Variants in ITPKB observed in about 807,000 individuals in gnomAD.
ITPKB encodes the protein inositol-trisphosphate 3-kinase B.
In ITPKB, 13 loss-of-function variants were observed where a neutral mutation model predicts 69.4. The ratio of observed to expected loss-of-function variants is 0.19; its 90% CI spans 0.12 to 0.30. ITPKB has a LOEUF of 0.30. Ranked by LOEUF, ITPKB falls within the 10% of genes least tolerant of loss-of-function variation. The probability of loss-of-function intolerance (pLI) is 1.00; values close to 1 mark genes in which losing one functional copy is unlikely to be tolerated. For synonymous variants in ITPKB, 584 were observed against 513.7 expected (o/e 1.14, Z -1.85); for missense variants, 1,240 against 1,250.5 (o/e 0.99, Z 0.13).
At chr1:226,720,926 C>T (rs1233710135) in intron 2 of ITPKB, among the ~76,000 whole-genome samples, 1 of 152,036 alleles carries the variant, frequency 6.6e-6, no homozygotes, top group Non-Finnish European at 1.5e-5. Flanking sequence ...TCTGTAATCC[C>T]AGCTACTCAG....
intron 2 of ITPKB, among the ~76,000 whole-genome samples, chr1:226,689,973 T>A (rs1180563093): frequency 1.3e-5 from 2 of 152,258 alleles, no homozygotes; most frequent in African/African-American, 2.4e-5. Context: ...TGCGTAGTGT[T>A]CAATGGTGTA....
intron 2 of ITPKB, among the ~76,000 whole-genome samples, chr1:226,678,001 G>A (rs190408026): frequency 1.3e-5 from 2 of 152,206 alleles, no homozygotes; most frequent in East Asian, 3.9e-4. Context: ...TATCAAGCTT[G>A]TACAGGCATT....
chr1:226,642,320 C>T lies in ITPKB; in HGVS notation c.2247-195G>A, dbSNP rs946147787. Among the ~76,000 whole-genome samples the T allele has an allele frequency of 3.3e-5, 5 of 152,012 alleles. No homozygotes were observed. Among genetic ancestry groups the T allele is most frequent in the Admixed American group, 6.6e-5 (1 of 15,254 alleles). On this transcript the variant is annotated intron_variant, in intron 4 of 7. Transcript: ENST00000429204. This position sits in a 1 kb window ranked among gnomAD's most constrained non-coding sequence, Gnocchi z 6.4. ...CCAGCTGGGGCTGGCTCTAATTTTT[C>T]TTTTCTTTTTTTTTTAGACAATTTT...
chr1:226,689,358 A>G (rs886699827), intron 2 of ITPKB, among the ~76,000 whole-genome samples: 1 of 152,316 alleles, frequency 6.6e-6, no homozygotes, highest in Admixed American at 6.5e-5. Context: ...ATTGTGGAGC[A>G]GCCTTTGTTT....
At chr1:226,716,823 T>A (rs1484060603) in intron 2 of ITPKB, among the ~76,000 whole-genome samples, 1 of 152,230 alleles carries the variant, frequency 6.6e-6, no homozygotes, top group African/African-American at 2.4e-5. Flanking sequence ...CTCCATGAGA[T>A]GATTTCCATT....
At chr1:226,719,858 A>T (rs1018965202) in intron 2 of ITPKB, among the ~76,000 whole-genome samples, 2 of 152,238 alleles carry the variant, frequency 1.3e-5, no homozygotes, top group African/African-American at 4.8e-5. Context: ...TCCCGTGGGC[A>T]GATCTGCCCT....
chr1:226,737,260 C>T lies in ITPKB; in HGVS notation c.199G>A (p.Glu67Lys). 6.4e-7 allele frequency: 1 copy of T among 1,552,574 alleles called. No homozygotes were observed. Among genetic ancestry groups the T allele is most frequent in the Non-Finnish European group, 8.6e-7 (1 of 1,156,498 alleles). Residue 67 changes from glutamate (E) to lysine (K), a missense_variant, in exon 2 of 8, where the codon GAG becomes AAG. This residue lies in a region of ITPKB where 992 missense variants were observed against 853.8 expected (regional missense o/e 1.16). Coordinates refer to ENST00000429204, the MANE Select transcript of ITPKB (RefSeq NM_002221.4). ...LFPPAESLSP[E>K]EPRSPGGWRS... is the part of the protein sequence containing the mutation. Reference sequence around the variant, plus strand: ...CAGCCCCCGGGGCTCCGGGGCTCCTCGGGGGACAGCGACTCGGCTGGGGGG... The same window carrying T: ...CAGCCCCCGGGGCTCCGGGGCTCCTTGGGGGACAGCGACTCGGCTGGGGGG...
At chr1:226,669,781 G>A (rs1039926927) in intron 2 of ITPKB, among the ~76,000 whole-genome samples, 2 of 151,604 alleles carry the variant, frequency 1.3e-5, no homozygotes, top group Non-Finnish European at 2.9e-5. Flanking sequence ...AGATAACCTG[G>A]CAACATACAT....
At chr1:226,655,837 C>T (rs372299177) in intron 2 of ITPKB, among the ~76,000 whole-genome samples, 6 of 152,198 alleles carry the variant, frequency 3.9e-5, no homozygotes, top group African/African-American at 7.2e-5. Context: ...AGGGTTGTGA[C>T]GCTGGGGGCA....
intron 2 of ITPKB, among the ~76,000 whole-genome samples, chr1:226,720,423 G>T (rs765036510): frequency 1.4e-4 from 21 of 152,192 alleles, no homozygotes; most frequent in Admixed American, 5.2e-4. Context: ...ACAGCTGATG[G>T]GTGGCAGAGA....
Position 226,735,641 on chromosome 1 carries a change from C to G in ITPKB, c.1818G>C (p.Thr606=). 4.3e-6 allele frequency: 7 copies of G among 1,611,840 alleles called. No individual in the cohort carries two copies. The highest frequency in any genetic ancestry group is 2.2e-5 in the East Asian group (1 of 44,838). ...AGTCTTCGTAGGATGAGGAGAAGCC[C>G]GTGGAGGAGGCCGAGGAAGAGGACA... ...RKLSSSSASS[T]GFSSSYEDSE... The change falls in exon 2 of 8, where the codon ACG becomes ACC. Residue 606 remains threonine (T), a synonymous_variant. Coordinates refer to ENST00000429204, the MANE Select transcript of ITPKB (RefSeq NM_002221.4).
At position 226,736,483 on chromosome 1, in the gene ITPKB, G is replaced by A. The variant is rs746812748; in HGVS notation, c.976C>T (p.Pro326Ser). ...HRPQDLALTEPSGRARELEDL... is the reference protein window; with the variant it reads ...HRPQDLALTESSGRARELEDL... Reference sequence around the variant, plus strand: ...TCAAGCTCACGGGCTCTCCCAGACGGCTCAGTGAGGGCAAGATCCTGTGGA... The same window carrying A: ...TCAAGCTCACGGGCTCTCCCAGACGACTCAGTGAGGGCAAGATCCTGTGGA... The change falls in exon 2 of 8, where the codon CCG (proline) becomes TCG (serine). Residue 326 changes from proline (P) to serine (S), a missense_variant. Pro to Ser is a moderately conservative substitution (Grantham distance 74, BLOSUM62 -1). Transcript: ENST00000429204. 6.2e-7 allele frequency: 1 copy of A among 1,613,932 alleles called. No homozygotes were observed. Among genetic ancestry groups the A allele is most frequent in the Non-Finnish European group, 8.5e-7 (1 of 1,180,046 alleles).
chr1:226,649,547 T>C (rs1235492135), intron 2 of ITPKB, among the ~76,000 whole-genome samples: 1 of 150,652 alleles, frequency 6.6e-6, no homozygotes, highest in Non-Finnish European at 1.5e-5. Flanking sequence ...TGTGCATGCG[T>C]GTGTGATATG....
At position 226,736,525 on chromosome 1, in the gene ITPKB, A is replaced by G; in HGVS notation, c.934T>C (p.Ser312Pro). ...TCCTGTGGACGGTGTGGCCCAGTGG[A>G]TGTAACTCTCGCTGCCACTTCCGTG... ...MATEVAARVTSTGPHRPQDLA... is the reference protein window; with the variant it reads ...MATEVAARVTPTGPHRPQDLA... Residue 312 changes from serine (S) to proline (P), a missense_variant, in exon 2 of 8, where the codon TCC (serine) becomes CCC (proline). Around this residue, in one of 2 missense-constraint regions of ITPKB, gnomAD observed 992 missense variants for 853.8 expected, o/e 1.16. Coordinates refer to ENST00000429204, the MANE Select transcript of ITPKB (RefSeq NM_002221.4). 6.2e-7 allele frequency: 1 copy of G among 1,613,932 alleles called. No individual in the cohort carries two copies. The highest frequency in any genetic ancestry group is 8.5e-7 in the Non-Finnish European group (1 of 1,180,020).
At chr1:226,635,526 G>T (rs1668817072) in intron 7 of ITPKB, among the ~76,000 whole-genome samples, 1 of 152,146 alleles carries the variant, frequency 6.6e-6, no homozygotes, top group African/African-American at 2.4e-5. Context: ...CTGCACCTGG[G>T]CAAACTTTCC....
intron 2 of ITPKB, among the ~76,000 whole-genome samples, chr1:226,717,168 C>T (rs1657117317): frequency 6.6e-6 from 1 of 152,198 alleles, no homozygotes; most frequent in South Asian, 2.1e-4. Context: ...CCCGCAGGTA[C>T]TCAAACTAGT....
chr1:226,713,009 G>A (rs879733654), intron 2 of ITPKB, among the ~76,000 whole-genome samples: 8 of 151,964 alleles, frequency 5.3e-5, no homozygotes, highest in Non-Finnish European at 1.2e-4. Flanking sequence ...ACCCATACAT[G>A]CATGCATGCA....
chr1:226,718,455 C>A (rs977498071), intron 2 of ITPKB, among the ~76,000 whole-genome samples: 2 of 151,974 alleles, frequency 1.3e-5, no homozygotes, highest in African/African-American at 4.8e-5. Context: ...ATTAGCTGGG[C>A]ATGGTGCTGC....
intron 2 of ITPKB, among the ~76,000 whole-genome samples, chr1:226,653,320 C>A (rs1332396044): frequency 6.6e-6 from 1 of 152,192 alleles, no homozygotes; most frequent in African/African-American, 2.4e-5. Context: ...CCCTTCCAGT[C>A]TCGAGACAGC....
Sources: gnomAD v4.1 joint callset for allele counts (sites outside exome capture counted in the v4.1 genomes callset) on GRCh38, gnomAD v4.1.1 for gene constraint, gnomAD v4.1.1 regional missense constraint, Gnocchi (gnomAD v3.1) non-coding constraint, MANE v1.5 for transcripts, NCBI Gene and HGNC (gene_info 2026-07-23, HGNC 2026-07-21) for gene names.